The following RSRP1 variants were observed in gnomAD, a reference collection of about 807,000 sequenced individuals.
The protein encoded by RSRP1 is arginine/serine-rich protein 1.
RSRP1 carries 37 observed loss-of-function variants against 33.0 expected under a neutral mutation model. That is an observed-to-expected ratio of 1.12 (90% CI 0.86 to 1.48). The LOEUF is 1.48. Ranked by LOEUF, RSRP1 falls within the 40% of genes most tolerant of loss-of-function variation. RSRP1 has a pLI of 0.00. For missense variants in RSRP1, 402 were observed against 385.3 expected, an observed-to-expected ratio of 1.04 and a Z score of -0.36; for synonymous variants, 167 against 158.7, an observed-to-expected ratio of 1.05 and a Z score of -0.40.
intron 1 of RSRP1, among the ~76,000 whole-genome samples, chr1:25,255,567 C>T (rs1639920318): frequency 2.0e-5 from 3 of 152,156 alleles, no homozygotes; most frequent in African/African-American, 7.2e-5. Context: ...CATTTTTCCA[C>T]AGCTGGGGGT....
chr1:25,322,277 C>G lies in RSRP1; in HGVS notation c.-67+15701G>C, dbSNP rs1225695952. Among the ~76,000 whole-genome samples the G allele has an allele frequency of 4.5e-5, 6 of 132,454 alleles. 1 individual carries two copies. The highest frequency in any genetic ancestry group is 1.1e-4 in the Non-Finnish European group (6 of 55,882). 86.9% of individuals were successfully genotyped at this position (132,454 alleles called of 152,430 possible). A position where few individuals can be genotyped will look rare whatever the true frequency, so the allele number is the denominator to read the frequency against. On this transcript the variant is annotated intron_variant, in intron 1 of 1. Transcript: ENST00000561867. ...CAGCGTAGCCAAATAGTCTGACATGCGGGTGACAGAACCCCACAATGCAAA... is the reference window on the plus strand; with the variant it reads ...CAGCGTAGCCAAATAGTCTGACATGGGGGTGACAGAACCCCACAATGCAAA...
chr1:25,333,843 T>C (rs1645046845), intron 1 of RSRP1, among the ~76,000 whole-genome samples: 1 of 130,770 alleles, frequency 7.6e-6, no homozygotes, highest in Non-Finnish European at 1.8e-5. Context: ...CATCAGATCC[T>C]GTTAGACTTA....
At chr1:25,244,796 G>T in intron 3 of RSRP1, 1 of 970,928 alleles carries the variant, frequency 1.0e-6, no homozygotes, top group Non-Finnish European at 1.3e-6. Context: ...AGATCCTCCT[G>T]CCTCAGCCTC....
chr1:25,311,348 G>A (rs1216815351), intron 1 of RSRP1, among the ~76,000 whole-genome samples: 2 of 130,924 alleles, frequency 1.5e-5, no homozygotes, highest in Admixed American at 7.4e-5. Flanking sequence ...CACAACTACC[G>A]ACTGATAAGA....
chr1:25,303,879 C>G lies in RSRP1; in HGVS notation c.-67+34099G>C, dbSNP rs1322809219. On this transcript the variant is annotated intron_variant, in intron 1 of 1. Transcript: ENST00000561867. ...GTAGTCTTTTGCTTCAAGAAAGCAG[C>G]CTGGTGGATGGAATCTCTTGGCCCC... Among the ~76,000 whole-genome samples the G allele has an allele frequency of 1.6e-5, 2 of 123,082 alleles. 1 individual carries two copies. The highest frequency in any genetic ancestry group is 3.8e-5 in the Non-Finnish European group (2 of 52,402). The allele number at this position is 123,082 out of a possible 152,430, so 80.7% of individuals were successfully genotyped here.
intron 1 of RSRP1, among the ~76,000 whole-genome samples, chr1:25,276,358 G>A (rs1442999686): frequency 1.6e-5 from 2 of 125,416 alleles, no homozygotes; most frequent in African/African-American, 5.5e-5. Context: ...GGCACGTAGG[G>A]TCATCGTGCT....
At position 25,246,468 on chromosome 1, in the gene RSRP1, T is replaced by G. The variant is rs1278266473; in HGVS notation, c.496A>C (p.Thr166Pro). ...DRSRTRSRSRTPFRLSEKDRM... is the reference protein window; with the variant it reads ...DRSRTRSRSRPPFRLSEKDRM... Reference sequence around the variant, plus strand: ...CCTTTTTCACTTAAGCGAAAGGGGGTTCTGCTCCGCGACCTCGTCCTGGAT... The same window carrying G: ...CCTTTTTCACTTAAGCGAAAGGGGGGTCTGCTCCGCGACCTCGTCCTGGAT... The change falls in exon 2 of 5, where the codon ACC (threonine) becomes CCC (proline). Residue 166 changes from threonine (T) to proline (P), a missense_variant. By Grantham distance (38) the Thr-to-Pro change is conservative. Transcript: ENST00000243189. The G allele has an allele frequency of 6.2e-7, 1 of 1,613,810 alleles. No homozygotes were observed. The highest frequency in any genetic ancestry group is 2.2e-5 in the East Asian group (1 of 44,876).
intron 1 of RSRP1, among the ~76,000 whole-genome samples, chr1:25,322,116 T>C (rs535153489): frequency 1.5e-5 from 2 of 131,204 alleles, no homozygotes; most frequent in African/African-American, 5.2e-5. Context: ...AACAAATCCA[T>C]GATATGCATG....
rs1479082325 is a variant in RSRP1 at position 25,295,847 on chromosome 1, GA to G, written c.-67+42130del. Among the ~76,000 whole-genome samples, 210 of 104,100 alleles carry G rather than the reference GA, an allele frequency of 2.0e-3. 48 individuals are homozygous for G. Among genetic ancestry groups the G allele is most frequent in the African/African-American group, 4.4e-3 (138 of 31,152 alleles). The allele number at this position is 104,100 out of a possible 152,430, so 68.3% of individuals were successfully genotyped here. On this transcript the variant is annotated intron_variant, in intron 1 of 1. Transcript: ENST00000561867. The stretch of plus-strand genomic sequence containing the variant: ...AACAATGGTCTGGGAGGGAATATGG[GA>G]AATTTTTTTTTTTTTTTTTTTTTTT...
chr1:25,306,310 C>A (rs1643830193), intron 1 of RSRP1, among the ~76,000 whole-genome samples: 1 of 131,992 alleles, frequency 7.6e-6, no homozygotes, highest in South Asian at 2.3e-4. Context: ...CTACACTAGA[C>A]CCTTGCTACT....
At position 25,247,170 on chromosome 1, in the gene RSRP1, C is replaced by T. The variant is rs184023829; in HGVS notation, c.-67+139G>A. ...CGCGACAGGAACCGAGCCCTAGAAA[C>T]CCCGCTCGGCGCCCTGAGGCCGCGG... On this transcript the variant is annotated intron_variant, in intron 1 of 4. Transcript: ENST00000243189. 811 of 519,310 alleles carry T rather than the reference C, an allele frequency of 1.6e-3. 5 individuals are homozygous for T. The highest frequency in any genetic ancestry group is 0.014 in the African/African-American group (740 of 51,624). The allele number at this position is 519,310 out of a possible 1,614,324, so 32.2% of individuals were successfully genotyped here.
intron 1 of RSRP1, among the ~76,000 whole-genome samples, chr1:25,262,676 G>A (rs1172649758): frequency 6.6e-6 from 1 of 152,140 alleles, no homozygotes; most frequent in Admixed American, 6.6e-5. Context: ...TAGCCCAAAG[G>A]CCTTAGAACC....
chr1:25,282,998 A>C lies in RSRP1; in HGVS notation c.-66-35969T>G, dbSNP rs1244078757. On this transcript the variant is annotated intron_variant, in intron 1 of 1. Coordinates refer to the RSRP1 transcript ENST00000561867. ...GAGACAATATTAATGACGGAAAAAA[A>C]ATTCTTCAAGATCTCTCTCTCTCCA... Among the ~76,000 whole-genome samples, 3 of 133,052 alleles carry C rather than the reference A, an allele frequency of 2.3e-5. 1 individual carries two copies. The highest frequency in any genetic ancestry group is 5.4e-5 in the Non-Finnish European group (3 of 56,056). 87.3% of individuals were successfully genotyped at this position (133,052 alleles called of 152,430 possible).
At position 25,301,459 on chromosome 1, in the gene RSRP1, C is replaced by T. The variant is rs868799163; in HGVS notation, c.-67+36519G>A. 21 of 1,315,606 alleles carry T rather than the reference C, an allele frequency of 1.6e-5. 4 individuals are homozygous for T. In the Middle Eastern group the frequency reaches 8.2e-4, roughly 52 times the overall value. The allele number at this position is 1,315,606 out of a possible 1,614,324, so 81.5% of individuals were successfully genotyped here. On this transcript the variant is annotated intron_variant, in intron 1 of 1. Coordinates refer to the RSRP1 transcript ENST00000561867. ...CCTAGGATTCTCATCCAAAACCCCTCGAGGCTCAGACCTTTGGAGCAGGAG... is the reference window on the plus strand; with the variant it reads ...CCTAGGATTCTCATCCAAAACCCCTTGAGGCTCAGACCTTTGGAGCAGGAG...
At chr1:25,260,184 G>A (rs1437040133) in intron 1 of RSRP1, among the ~76,000 whole-genome samples, 4 of 152,178 alleles carry the variant, frequency 2.6e-5, no homozygotes, top group Non-Finnish European at 5.9e-5. Context: ...ATGTATGGTT[G>A]CTACTATGGG....
At position 25,315,361 on chromosome 1, in the gene RSRP1, G is replaced by A. The variant is rs147655020; in HGVS notation, c.-67+22617C>T. On this transcript the variant is annotated intron_variant, in intron 1 of 1. Coordinates refer to the RSRP1 transcript ENST00000561867. ...AGATATACAAAGATGGCAAAGATGA[G>A]GGCCTGGAGCTTGCCACACGGAAGG... is the stretch of plus-strand genomic sequence containing the variant. Among the ~76,000 whole-genome samples, 751 of 130,398 alleles carry A rather than the reference G, an allele frequency of 5.8e-3. 198 individuals are homozygous for A. The highest frequency in any genetic ancestry group is 9.7e-3 in the Non-Finnish European group (539 of 55,340). 85.5% of individuals were successfully genotyped at this position (130,398 alleles called of 152,430 possible). A position where few individuals can be genotyped will look rare whatever the true frequency, so the allele number is the denominator to read the frequency against.
rs1402673009 is a variant in RSRP1 at position 25,316,089 on chromosome 1, G to A, written c.-67+21889C>T. 1.4e-4 allele frequency among the ~76,000 whole-genome samples: 18 copies of A among 131,062 alleles called. 6 individuals carry two copies. Among genetic ancestry groups the A allele is most frequent in the Admixed American group, 2.2e-4 (3 of 13,476 alleles). The allele number at this position is 131,062 out of a possible 152,430, so 86.0% of individuals were successfully genotyped here. A position where few individuals can be genotyped will look rare whatever the true frequency, so the allele number is the denominator to read the frequency against. ...AACTATCCGTGGGGCTGCAGTGAAC[G>A]GGCTGGCAGTGCCCAGGTGCAGGCT... On this transcript the variant is annotated intron_variant, in intron 1 of 1. Transcript: ENST00000561867.
rs112146441 is a variant in RSRP1 at position 25,329,017 on chromosome 1, A to G, written c.-67+8961T>C. On this transcript the variant is annotated intron_variant, in intron 1 of 1. Transcript: ENST00000561867. ...TTTGTACGTGAGAAACGCTCATGACAGCAAAGTCTCCAATGTTCGCGCAGG... is the reference window on the plus strand; with the variant it reads ...TTTGTACGTGAGAAACGCTCATGACGGCAAAGTCTCCAATGTTCGCGCAGG... The G allele has an allele frequency of 3.3e-3, 4,566 of 1,378,158 alleles. 780 individuals are homozygous for G. In the African/African-American group the frequency reaches 0.057, roughly 17 times the overall value. The allele number at this position is 1,378,158 out of a possible 1,614,324, so 85.4% of individuals were successfully genotyped here.
rs1317743732 is a variant in RSRP1 at position 25,246,799 on chromosome 1, G to A, written c.165C>T (p.Ser55=). The A allele has an allele frequency of 3.1e-6, 5 of 1,613,592 alleles. No individual in the cohort carries two copies. The highest frequency in any genetic ancestry group is 4.2e-6 in the Non-Finnish European group (5 of 1,179,770). The part of the protein sequence containing the change: ...SHSRVSSRFS[S]RSRRSKSRSR... ...ACCTGGACTTGCTCCTCCGACTCCT[G>A]GACGAAAACCGGCTCGAGACGCGGG... The change falls in exon 2 of 5, where the codon TCC becomes TCT. Residue 55 remains serine, a synonymous_variant. Transcript: ENST00000243189.
Sources: gnomAD v4.1 joint callset for allele counts (sites outside exome capture counted in the v4.1 genomes callset) on GRCh38, gnomAD v4.1.1 for gene constraint, MANE v1.5 for transcripts, NCBI Gene and HGNC (gene_info 2026-07-23, HGNC 2026-07-21) for gene names.